The following SLC35D4 variants were observed in gnomAD, a reference collection of about 807,000 sequenced individuals.
The protein encoded by SLC35D4 is UDP-N-acetylglucosamine transporter SLC35D4.
the SLC35D4 span, chr18:23,368,563 A>C: frequency 3.7e-6 from 2 of 536,286 alleles, no homozygotes; most frequent in East Asian, 3.4e-5. Context: ...CAAGACTGCT[A>C]TTTGGTCTCC....
chr18:23,260,504 T>G, the SLC35D4 span: 1 of 152,414 alleles, frequency 6.6e-6, no homozygotes, highest in Non-Finnish European at 1.5e-5. Context: ...CTCAGACGTT[T>G]CCGGCTTAGT....
At chr18:23,264,190 GA>G in the SLC35D4 span, among the ~76,000 whole-genome samples, 1 of 152,184 alleles carries the variant, frequency 6.6e-6, no homozygotes, top group Non-Finnish European at 1.5e-5. Flanking sequence ...AATTTACAAA[GA>G]AAAGAGGCTT....
At chr18:23,398,180 C>A in the SLC35D4 span, among the ~76,000 whole-genome samples, 1 of 152,162 alleles carries the variant, frequency 6.6e-6, no homozygotes, top group African/African-American at 2.4e-5. Flanking sequence ...GCAGCTGCCT[C>A]ACCTATCATC....
the SLC35D4 span, among the ~76,000 whole-genome samples, chr18:23,287,054 A>G: frequency 1.3e-5 from 2 of 151,386 alleles, no homozygotes; most frequent in African/African-American, 4.9e-5. Context: ...ATCCCATCCC[A>G]CAGCATGCTT....
At chr18:23,334,676 A>G in the SLC35D4 span, among the ~76,000 whole-genome samples, 6 of 152,150 alleles carry the variant, frequency 3.9e-5, no homozygotes, top group African/African-American at 1.4e-4. Flanking sequence ...CGACCAGGTT[A>G]GCGCAAAGTG....
chr18:23,328,630 C>A, the SLC35D4 span, among the ~76,000 whole-genome samples: 3 of 152,122 alleles, frequency 2.0e-5, no homozygotes, highest in Non-Finnish European at 4.4e-5. Context: ...CCATACTGCC[C>A]AAGGTAATTT....
chr18:23,322,580 T>C, the SLC35D4 span, among the ~76,000 whole-genome samples: 1 of 152,236 alleles, frequency 6.6e-6, no homozygotes, highest in African/African-American at 2.4e-5. Flanking sequence ...ATTCATAGCA[T>C]GTCTGCTGAA....
chr18:23,406,785 T>C, the SLC35D4 span, among the ~76,000 whole-genome samples: 1 of 152,162 alleles, frequency 6.6e-6, no homozygotes, highest in East Asian at 1.9e-4. Context: ...CTCTGTTAAA[T>C]TTATTTTGTC....
the SLC35D4 span, among the ~76,000 whole-genome samples, chr18:23,290,633 T>A: frequency 6.7e-6 from 1 of 148,960 alleles, no homozygotes; most frequent in African/African-American, 2.4e-5. Flanking sequence ...TGAAATTCTT[T>A]TTTTTTTTTT....
At chr18:23,310,492 C>T in the SLC35D4 span, among the ~76,000 whole-genome samples, 2 of 152,088 alleles carry the variant, frequency 1.3e-5, no homozygotes, top group African/African-American at 4.8e-5. Flanking sequence ...CTTGGAATGT[C>T]TGCTTAAGGA....
the SLC35D4 span, among the ~76,000 whole-genome samples, chr18:23,431,358 C>T: frequency 1.2e-4 from 18 of 152,074 alleles, no homozygotes; most frequent in African/African-American, 4.3e-4. Context: ...TCAGAAATGT[C>T]ACATTGTAAC....
At chr18:23,285,718 C>A in the SLC35D4 span, among the ~76,000 whole-genome samples, 1 of 152,092 alleles carries the variant, frequency 6.6e-6, no homozygotes. Context: ...CCTCCCCAGG[C>A]TAAGTCCCAA....
the SLC35D4 span, among the ~76,000 whole-genome samples, chr18:23,277,291 C>T: frequency 6.6e-6 from 1 of 152,046 alleles, no homozygotes; most frequent in Non-Finnish European, 1.5e-5. Flanking sequence ...CTCATGAGAT[C>T]TGATGGTATT....
chr18:23,283,202 G>A, the SLC35D4 span, among the ~76,000 whole-genome samples: 1 of 152,018 alleles, frequency 6.6e-6, no homozygotes, highest in African/African-American at 2.4e-5. Flanking sequence ...GAAAGTAAAG[G>A]AAGGCCGGGC....
At chr18:23,414,920 C>A in the SLC35D4 span, among the ~76,000 whole-genome samples, 1 of 152,128 alleles carries the variant, frequency 6.6e-6, no homozygotes, top group African/African-American at 2.4e-5. Flanking sequence ...TGAGACCTAC[C>A]TGGGCAACAT....
the SLC35D4 span, among the ~76,000 whole-genome samples, chr18:23,395,024 A>G: frequency 6.6e-6 from 1 of 151,538 alleles, no homozygotes; most frequent in African/African-American, 2.4e-5. Flanking sequence ...TAAAAGTTAC[A>G]GGACAATTTT....
At chr18:23,283,463 C>A in the SLC35D4 span, among the ~76,000 whole-genome samples, 2 of 129,712 alleles carry the variant, frequency 1.5e-5, no homozygotes, top group Admixed American at 7.9e-5. Context: ...CACAGAGAGA[C>A]CCAGTCTCAA....
the SLC35D4 span, among the ~76,000 whole-genome samples, chr18:23,255,557 A>ATT: frequency 0.026 from 3,391 of 132,496 alleles, 168 homozygotes; most frequent in African/African-American, 0.093. Context: ...TGAACTAATG[A>ATT]TTTTTTTTTT....
chr18:23,408,816 C>T, the SLC35D4 span, among the ~76,000 whole-genome samples: 46 of 114,832 alleles, frequency 4.0e-4, 1 homozygote, highest in Non-Finnish European at 4.2e-4. Context: ...TCTTATCTCT[C>T]TTTTTTTTTT....
Sources: allele counts gnomAD v4.1 joint callset (sites outside exome capture counted in the v4.1 genomes callset), GRCh38; gene constraint gnomAD v4.1.1; transcripts MANE v1.5; gene names NCBI Gene and HGNC (gene_info 2026-07-23, HGNC 2026-07-21).